Variants in EPB41 observed in about 807,000 individuals in gnomAD.
The protein encoded by EPB41 is erythrocyte membrane protein band 4.1, also known as protein 4.1.
EPB41 carries 65 observed loss-of-function variants against 108.0 expected under a neutral mutation model. The observed-to-expected ratio is 0.60, with a 90% CI of 0.49 to 0.74. The LOEUF (loss-of-function observed/expected upper bound fraction) is 0.74, where lower values mean the gene tolerates loss of function less well. EPB41 is among the 30% of genes least tolerant of loss of function. The pLI, the probability that EPB41 is intolerant of heterozygous loss-of-function variation, is 0.00. For synonymous variants in EPB41, 336 were observed against 358.9 expected (o/e 0.94, Z 0.72); for missense variants, 875 against 1,037.0 (o/e 0.84, Z 2.15).
intron 9 of EPB41, among the ~76,000 whole-genome samples, chr1:29,035,549 A>G (rs1477219862): frequency 6.6e-6 from 1 of 152,014 alleles, no homozygotes; most frequent in Non-Finnish European, 1.5e-5. Context: ...GTCTCAGAAA[A>G]ATGTATAATG....
chr1:29,015,974 T>A (rs2096572757), intron 6 of EPB41, among the ~76,000 whole-genome samples: 1 of 152,238 alleles, frequency 6.6e-6, no homozygotes, highest in Admixed American at 6.5e-5. Context: ...ATCTGTGACC[T>A]GTATCATAAG....
At chr1:29,094,317 C>A (rs1040469809) in intron 16 of EPB41, among the ~76,000 whole-genome samples, 5 of 151,882 alleles carry the variant, frequency 3.3e-5, no homozygotes, top group African/African-American at 1.2e-4. Flanking sequence ...CATTCTATCA[C>A]CCAGGCTGGA....
intron 12 of EPB41, among the ~76,000 whole-genome samples, chr1:29,057,232 C>G (rs531275582): frequency 6.6e-6 from 1 of 151,746 alleles, no homozygotes; most frequent in African/African-American, 2.4e-5. Flanking sequence ...AAAAATTAGC[C>G]AGGCATGGTG....
rs547796326 is a variant in EPB41 at position 29,040,348 on chromosome 1, C to T, written c.1636+922C>T. On this transcript the variant is annotated intron_variant, in intron 11 of 20. Coordinates refer to ENST00000343067, the MANE Select transcript of EPB41 (RefSeq NM_001376013.1). ...AGGCTGGAGTGCAGTGACTCAACCT[C>T]GGCCCACTGCAACCTCTGCCTACCA... is the stretch of plus-strand genomic sequence containing the variant. Among the ~76,000 whole-genome samples the T allele has an allele frequency of 1.2e-3, 180 of 152,076 alleles. 1 individual carries two copies. The highest frequency in any genetic ancestry group is 4.2e-3 in the African/African-American group (175 of 41,488).
At chr1:28,960,421 A>G (rs965302149) in intron 1 of EPB41, among the ~76,000 whole-genome samples, 12 of 151,762 alleles carry the variant, frequency 7.9e-5, no homozygotes, top group African/African-American at 2.4e-4. Flanking sequence ...TACCCCTACA[A>G]TAAATGGTCA....
At chr1:29,033,055 T>G (rs1404416170) in intron 8 of EPB41, 38 bp from the exon 9 acceptor site, 1 of 1,606,786 alleles carries the variant, frequency 6.2e-7, no homozygotes, top group South Asian at 1.1e-5. Flanking sequence ...ATTGAGTACT[T>G]TGCTCCAGAC....
intron 1 of EPB41, among the ~76,000 whole-genome samples, chr1:28,960,486 G>T (rs1356511006): frequency 6.6e-6 from 1 of 150,886 alleles, no homozygotes; most frequent in Non-Finnish European, 1.5e-5. Context: ...CCAGCACTTT[G>T]GGAGGCTGAG....
upstream of EPB41, chr1:28,914,503 T>C (rs896154866): frequency 6.6e-6 from 1 of 152,144 alleles, no homozygotes; most frequent in Non-Finnish European, 1.5e-5. Flanking sequence ...TACAATGTTG[T>C]GGCGAACTGA....
chr1:28,982,370 T>G, intron 1 of EPB41: 1 of 703,194 alleles, frequency 1.4e-6, no homozygotes, highest in Non-Finnish European at 2.7e-6. Context: ...GCTTTGGGCA[T>G]TAGGTGATTG....
intron 17 of EPB41, among the ~76,000 whole-genome samples, chr1:29,104,784 T>G (rs1351479004): frequency 6.6e-6 from 1 of 152,142 alleles, no homozygotes; most frequent in East Asian, 1.9e-4. Context: ...GAAACAGGGC[T>G]TCGCCATGTT....
At position 28,993,473 on chromosome 1, in the gene EPB41, C is replaced by T; in HGVS notation, c.612C>T (p.Ile204=). 6.2e-7 allele frequency: 1 copy of T among 1,613,958 alleles called. No individual in the cohort carries two copies. Among genetic ancestry groups the T allele is most frequent in the Non-Finnish European group, 8.5e-7 (1 of 1,179,976 alleles). ...AATTAAAAGCTTCCCAAAAACCAAT[C>T]AGAAAACACAGGAACATGCACTGCA... ...ETELKASQKP[I]RKHRNMHCKV... The change falls in exon 3 of 21, where the codon ATC becomes ATT. Residue 204 remains isoleucine, a synonymous_variant. Transcript: ENST00000343067.
chr1:28,957,396 C>T (rs1206719584), intron 1 of EPB41, among the ~76,000 whole-genome samples: 4 of 152,160 alleles, frequency 2.6e-5, no homozygotes, highest in African/African-American at 7.2e-5. Flanking sequence ...ATCTGCCTGA[C>T]AGAAACATTG....
intron 10 of EPB41, among the ~76,000 whole-genome samples, chr1:29,038,875 G>A (rs1466177902): frequency 1.3e-5 from 2 of 152,168 alleles, no homozygotes; most frequent in African/African-American, 4.8e-5. Flanking sequence ...TCTGGGCTTC[G>A]ACTTTGTTAC....
intron 1 of EPB41, among the ~76,000 whole-genome samples, chr1:28,922,448 T>C (rs1386360782): frequency 6.6e-6 from 1 of 151,816 alleles, no homozygotes; most frequent in African/African-American, 2.4e-5. Context: ...ATTGTTATCT[T>C]TTTATCCTCT....
At chr1:28,929,327 G>C (rs1219133907) in intron 1 of EPB41, among the ~76,000 whole-genome samples, 2 of 151,516 alleles carry the variant, frequency 1.3e-5, no homozygotes, top group East Asian at 1.9e-4. Context: ...CCGGGTTCAC[G>C]CCATTCTCCT....
intron 19 of EPB41, among the ~76,000 whole-genome samples, chr1:29,114,648 A>G (rs1670292684): frequency 6.6e-6 from 1 of 151,582 alleles, no homozygotes. Flanking sequence ...AAAAAAAAAA[A>G]AAAAAAAAAA....
In EPB41 at chr1:28,887,759, C is replaced by G. The variant is rs1305356043; in HGVS notation, c.-8+549C>G. 1 of 913,968 alleles carries G rather than the reference C, an allele frequency of 1.1e-6. No individual in the cohort carries two copies. The highest frequency in any genetic ancestry group is 5.0e-5 in the South Asian group (1 of 20,024). The allele number at this position is 913,968 out of a possible 1,614,324, so 56.6% of individuals were successfully genotyped here. ...CCCGCCAGCTGGGGCGCCGGCTGTGCCCGCCAGGGTGGCCCCCCCGGCCGT... is the reference window on the plus strand; with the variant it reads ...CCCGCCAGCTGGGGCGCCGGCTGTGGCCGCCAGGGTGGCCCCCCCGGCCGT... On this transcript the variant is annotated intron_variant, in intron 1 of 16. Coordinates refer to the EPB41 transcript ENST00000347529. This position sits in a 1 kb window ranked among gnomAD's most constrained non-coding sequence, Gnocchi z 4.9.
chr1:28,951,083 C>T, intron 1 of EPB41, among the ~76,000 whole-genome samples: 1 of 152,138 alleles, frequency 6.6e-6, no homozygotes, highest in Non-Finnish European at 1.5e-5. Context: ...GATCCGCCTG[C>T]CTCAGCCTCC....
chr1:29,094,604 G>A (rs540525620), intron 16 of EPB41, among the ~76,000 whole-genome samples: 9 of 152,266 alleles, frequency 5.9e-5, no homozygotes, highest in African/African-American at 1.4e-4. Context: ...TTACTGTAGC[G>A]TTGTAGCGAT....
Sources: allele counts gnomAD v4.1 joint callset (sites outside exome capture counted in the v4.1 genomes callset), GRCh38; gene constraint gnomAD v4.1.1; non-coding constraint Gnocchi (gnomAD v3.1); transcripts MANE v1.5; gene names NCBI Gene and HGNC (gene_info 2026-07-23, HGNC 2026-07-21).